The following PARD3B variants were observed in gnomAD, a reference collection of about 807,000 sequenced individuals.
The protein encoded by PARD3B is partitioning defective 3 homolog B.
Under a neutral mutation model 130.2 loss-of-function variants are expected in PARD3B, and 103 were observed. That is an observed-to-expected ratio of 0.79 (90% CI 0.67 to 0.93). The LOEUF (loss-of-function observed/expected upper bound fraction) is 0.93. PARD3B is among the 40% of genes least tolerant of loss of function. The pLI is 0.00. For missense variants in PARD3B, 1,609 were observed against 1,499.2 expected, an observed-to-expected ratio of 1.07 and a Z score of -1.21; for synonymous variants, 583 against 553.2, an observed-to-expected ratio of 1.05 and a Z score of -0.76.
At chr2:204,961,691 A>G (rs1490153544) in intron 2 of PARD3B, among the ~76,000 whole-genome samples, 1 of 152,170 alleles carries the variant, frequency 6.6e-6, no homozygotes, top group Non-Finnish European at 1.5e-5. Context: ...AAAAACCAAA[A>G]GAAAACTTGA....
chr2:204,615,611 C>T (rs1167723426), intron 1 of PARD3B, among the ~76,000 whole-genome samples: 2 of 152,102 alleles, frequency 1.3e-5, no homozygotes, highest in Non-Finnish European at 2.9e-5. Flanking sequence ...TTTACGTTGG[C>T]AATGAGCACT....
Position 204,889,195 on chromosome 2 carries a change from T to C in PARD3B, c.223-75957T>C, listed in dbSNP as rs887181692. On this transcript the variant is annotated intron_variant, in intron 2 of 22. Transcript: ENST00000406610. ...CTTAAGGGTCATTCCAGTCCAGCTCTGAGCACATCAAATCTATTGCTTCTC... is the reference window on the plus strand; with the variant it reads ...CTTAAGGGTCATTCCAGTCCAGCTCCGAGCACATCAAATCTATTGCTTCTC... Among the ~76,000 whole-genome samples the C allele has an allele frequency of 2.6e-5, 4 of 152,226 alleles. No homozygotes were observed. The East Asian group carries it at 7.7e-4, about 29-fold the overall frequency.
chr2:205,321,507 T>C lies in PARD3B; in HGVS notation c.2630+19806T>C, dbSNP rs1161417770. Among the ~76,000 whole-genome samples the C allele has an allele frequency of 6.6e-6, 1 of 152,030 alleles. No homozygotes were observed. The highest frequency in any genetic ancestry group is 1.5e-5 in the Non-Finnish European group (1 of 67,976). On this transcript the variant is annotated intron_variant, in intron 18 of 22. Coordinates refer to ENST00000406610, the MANE Select transcript of PARD3B (RefSeq NM_001302769.2). The surrounding 1 kb of genome is among the most constrained non-coding windows in gnomAD (Gnocchi z 4.2). Reference sequence around the variant, plus strand: ...CTCTCTCTCTCTCCCCCCGCCCATATGAATGTATATGCACAAATGCAGGCA... The same window carrying C: ...CTCTCTCTCTCTCCCCCCGCCCATACGAATGTATATGCACAAATGCAGGCA...
At chr2:205,315,437 C>T (rs2042532635) in intron 18 of PARD3B, among the ~76,000 whole-genome samples, 1 of 152,088 alleles carries the variant, frequency 6.6e-6, no homozygotes, top group South Asian at 2.1e-4. Context: ...TCCCAGTTAC[C>T]TAGTGGTTCT....
rs547180724 is a variant in PARD3B, at chr2:205,086,373, C to A, written c.505-18053C>A. 5.3e-5 allele frequency among the ~76,000 whole-genome samples: 8 copies of A among 152,184 alleles called. No individual in the cohort carries two copies. In the East Asian group the frequency reaches 1.5e-3, roughly 29 times the overall value. On this transcript the variant is annotated intron_variant, in intron 4 of 22. Transcript: ENST00000406610. ...GGATCTCATGTGGCCTCTTTATTTT[C>A]CATGAAGATGCACATAGAATATGAA...
intron 19 of PARD3B, among the ~76,000 whole-genome samples, chr2:205,439,230 T>C (rs921689552): frequency 6.6e-6 from 1 of 152,152 alleles, no homozygotes; most frequent in Non-Finnish European, 1.5e-5. Context: ...TCTCCAGTCA[T>C]ATACAGATCA....
At chr2:204,640,709 G>A (rs2035046517) in intron 1 of PARD3B, among the ~76,000 whole-genome samples, 1 of 151,988 alleles carries the variant, frequency 6.6e-6, no homozygotes, top group East Asian at 1.9e-4. Context: ...TTCTTGCCCA[G>A]GTCCCTGACT....
rs1693142289 is a variant in PARD3B, at chr2:204,986,216, C to A, written c.394+20893C>A. Among the ~76,000 whole-genome samples the A allele has an allele frequency of 3.3e-5, 5 of 151,886 alleles. No homozygotes were observed. In the South Asian group the frequency reaches 1.0e-3, roughly 32 times the overall value. On this transcript the variant is annotated intron_variant, in intron 3 of 22. Transcript: ENST00000406610. ...TTGGATCCCTTTACTTCACTTAGACCTGTGTGTCACCTTTGCTGACTGCAA... is the reference window on the plus strand; with the variant it reads ...TTGGATCCCTTTACTTCACTTAGACATGTGTGTCACCTTTGCTGACTGCAA...
chr2:205,615,670 G>C lies in PARD3B; in HGVS notation c.3475G>C (p.Val1159Leu), dbSNP rs565497365. 10 of 1,613,678 alleles carry C rather than the reference G, an allele frequency of 6.2e-6. No individual in the cohort carries two copies. The highest frequency in any genetic ancestry group is 7.6e-6 in the Non-Finnish European group (9 of 1,179,868). ...GCACAAAGGACCCTTTCGACAAGAC[G>C]TTCCGCCTTCCCCTCCCCAGCACCA... ...PQHKGPFRQD[V>L]PPSPPQHQRM... The change falls in exon 23 of 23, where the codon GTT becomes CTT. Residue 1159 changes from valine to leucine, a missense_variant. By Grantham distance (32) the Val-to-Leu change is conservative. Transcript: ENST00000406610.
chr2:204,771,738 C>T (rs936459306), intron 2 of PARD3B, among the ~76,000 whole-genome samples: 21 of 152,100 alleles, frequency 1.4e-4, no homozygotes, highest in African/African-American at 4.6e-4. Context: ...TTTAAAAACA[C>T]ATCCATTCAT....
At chr2:205,089,085 A>C (rs1363778791) in intron 4 of PARD3B, among the ~76,000 whole-genome samples, 1 of 150,444 alleles carries the variant, frequency 6.6e-6, no homozygotes, top group African/African-American at 2.4e-5. Flanking sequence ...ACAAGCATGA[A>C]CCACCATGCC....
intron 15 of PARD3B, among the ~76,000 whole-genome samples, chr2:205,242,444 A>G (rs2039392141): frequency 6.6e-6 from 1 of 152,204 alleles, no homozygotes; most frequent in Non-Finnish European, 1.5e-5. Context: ...CTTTGTATGA[A>G]TCCCTTCTTC....
chr2:205,615,461 G>C lies in PARD3B; in HGVS notation c.3266G>C (p.Gly1089Ala). 6.3e-7 allele frequency: 1 copy of C among 1,591,464 alleles called. No homozygotes were observed. The highest frequency in any genetic ancestry group is 8.6e-7 in the Non-Finnish European group (1 of 1,168,412). The change falls in exon 23 of 23, where the codon GGA (glycine) becomes GCA (alanine). Residue 1089 changes from glycine (G) to alanine (A), a missense_variant. Coordinates refer to ENST00000406610, the MANE Select transcript of PARD3B (RefSeq NM_001302769.2). ...ERQYASLPRG[G>A]PADPVDYLPA... ...GTCTCTTCTTCTCTTTCCAGGGGAGGACCCGCAGATCCTGTAGACTATCTG... is the reference window on the plus strand; with the variant it reads ...GTCTCTTCTTCTCTTTCCAGGGGAGCACCCGCAGATCCTGTAGACTATCTG...
rs1420178197 is a variant in PARD3B, at chr2:205,407,591, C to G, written c.2741+6468C>G. Among the ~76,000 whole-genome samples the G allele has an allele frequency of 6.6e-6, 1 of 152,050 alleles. No individual in the cohort carries two copies. Among genetic ancestry groups the G allele is most frequent in the Non-Finnish European group, 1.5e-5 (1 of 68,010 alleles). ...TATGAAATTAATCAGAATCTTGGACCTGTAAAATACCAAACTAAATACCTG... is the reference window on the plus strand; with the variant it reads ...TATGAAATTAATCAGAATCTTGGACGTGTAAAATACCAAACTAAATACCTG... On this transcript the variant is annotated intron_variant, in intron 19 of 22. Coordinates refer to ENST00000406610, the MANE Select transcript of PARD3B (RefSeq NM_001302769.2). This position sits in a 1 kb window ranked among gnomAD's most constrained non-coding sequence, Gnocchi z 4.1.
chr2:205,457,706 T>C (rs924236518), intron 20 of PARD3B, among the ~76,000 whole-genome samples: 3 of 152,134 alleles, frequency 2.0e-5, no homozygotes, highest in Non-Finnish European at 4.4e-5. Flanking sequence ...TTTTTTCTTC[T>C]TTTAATATAT....
chr2:205,371,354 T>G (rs1334666374), intron 18 of PARD3B, among the ~76,000 whole-genome samples: 1 of 152,194 alleles, frequency 6.6e-6, no homozygotes, highest in Non-Finnish European at 1.5e-5. Flanking sequence ...GTATGGGGCC[T>G]ACTTTCTCTG....
chr2:204,923,104 T>C (rs912502781), intron 2 of PARD3B, among the ~76,000 whole-genome samples: 6 of 152,096 alleles, frequency 3.9e-5, no homozygotes, highest in African/African-American at 1.4e-4. Flanking sequence ...TAGATTAGTT[T>C]ATATTTTATT....
At chr2:204,687,010 A>T (rs2037116408) in intron 2 of PARD3B, among the ~76,000 whole-genome samples, 1 of 152,138 alleles carries the variant, frequency 6.6e-6, no homozygotes, top group Non-Finnish European at 1.5e-5. Context: ...TCTGTCAGAG[A>T]GATCTAGCTT....
chr2:205,211,528 GATA>G (rs72027886), intron 15 of PARD3B, among the ~76,000 whole-genome samples: 24,823 of 150,724 alleles, frequency 0.16, 2,355 homozygotes, highest in African/African-American at 0.27. Flanking sequence ...GTAAATAAAC[GATA>G]ATAACGCAAT....
Sources: gnomAD v4.1 joint callset for allele counts (sites outside exome capture counted in the v4.1 genomes callset) on GRCh38, gnomAD v4.1.1 for gene constraint, Gnocchi (gnomAD v3.1) non-coding constraint, MANE v1.5 for transcripts, NCBI Gene and HGNC (gene_info 2026-07-23, HGNC 2026-07-21) for gene names.